ATF7IP2: variants seen among roughly 807,000 people sequenced by gnomAD.
ATF7IP2 encodes the protein activating transcription factor 7 interacting protein 2.
ATF7IP2 carries 42 observed loss-of-function variants against 64.2 expected under a neutral mutation model. The observed-to-expected ratio is 0.65, with a 90% CI of 0.51 to 0.85. ATF7IP2 has a LOEUF of 0.85. Ranked by LOEUF, ATF7IP2 falls within the 40% of genes least tolerant of loss-of-function variation. The pLI, the probability that ATF7IP2 is intolerant of heterozygous loss-of-function variation, is 0.00. For missense variants in ATF7IP2, 933 were observed against 784.2 expected, an observed-to-expected ratio of 1.19 and a Z score of -2.27; for synonymous variants, 308 against 272.8, an observed-to-expected ratio of 1.13 and a Z score of -1.27.
intron 8 of ATF7IP2, chr16:10,449,120 T>G (rs2048904128): frequency 6.6e-6 from 1 of 152,178 alleles, no homozygotes; most frequent in Non-Finnish European, 1.5e-5. Context: ...AGTTTATTGA[T>G]TTGTGTATGT....
chr16:10,461,447 A>G (rs1021659883), intron 9 of ATF7IP2, among the ~76,000 whole-genome samples: 8 of 152,126 alleles, frequency 5.3e-5, no homozygotes, highest in Admixed American at 3.9e-4. Flanking sequence ...ACTGAAAGGA[A>G]AAAGTGTCCA....
At chr16:10,405,091 C>T (rs111547474) in intron 1 of ATF7IP2, among the ~76,000 whole-genome samples, 2,751 of 151,966 alleles carry the variant, frequency 0.018, 78 homozygotes, top group African/African-American at 0.062. Flanking sequence ...GGCTGGGTGC[C>T]GTGGCTCATG....
At chr16:10,470,837 A>ATATATATATATG (rs1567173984) in intron 9 of ATF7IP2, among the ~76,000 whole-genome samples, 14 of 137,242 alleles carry the variant, frequency 1.0e-4, no homozygotes, top group South Asian at 2.3e-4. Context: ...ATATATATAT[A>ATATATATATATG]TGTGTGTGTA....
At chr16:10,424,233 G>A (rs1482405855) in intron 3 of ATF7IP2, among the ~76,000 whole-genome samples, 1 of 152,258 alleles carries the variant, frequency 6.6e-6, no homozygotes, top group Admixed American at 6.5e-5. Context: ...AACCTTCAGC[G>A]TGGGCATCAT....
At chr16:10,431,560 A>G (rs2048256716) in intron 5 of ATF7IP2, 105 bp downstream of exon 5, 1 of 709,136 alleles carries the variant, frequency 1.4e-6, no homozygotes, top group Non-Finnish European at 2.2e-6. Flanking sequence ...GAAAAAAGGT[A>G]AATGATGACA....
intron 1 of ATF7IP2, among the ~76,000 whole-genome samples, chr16:10,390,849 C>T (rs1372417810): frequency 6.6e-6 from 1 of 152,128 alleles, no homozygotes; most frequent in Non-Finnish European, 1.5e-5. Flanking sequence ...GCAACAAGAA[C>T]AGCAAAGCAA....
chr16:10,462,725 T>C (rs1033271585), intron 9 of ATF7IP2, among the ~76,000 whole-genome samples: 17 of 152,150 alleles, frequency 1.1e-4, no homozygotes, highest in Admixed American at 6.5e-5. Flanking sequence ...CCTTCTTGAA[T>C]CTATGGCTTG....
chr16:10,403,422 C>G (rs2047573648), intron 1 of ATF7IP2, among the ~76,000 whole-genome samples: 1 of 152,112 alleles, frequency 6.6e-6, no homozygotes, highest in African/African-American at 2.4e-5. Flanking sequence ...CACCACTGAA[C>G]TCATCCAGAA....
intron 6 of ATF7IP2, among the ~76,000 whole-genome samples, chr16:10,435,341 TCTTA>T (rs901500540): frequency 1.3e-5 from 2 of 152,164 alleles, no homozygotes; most frequent in African/African-American, 4.8e-5. Context: ...TCCTTTACAG[TCTTA>T]AGTTATTCAC....
chr16:10,434,161 T>C (rs1045235734), intron 6 of ATF7IP2, among the ~76,000 whole-genome samples: 10 of 152,236 alleles, frequency 6.6e-5, no homozygotes, highest in African/African-American at 2.4e-4. Flanking sequence ...ATCTGACATT[T>C]TGCTGTATAG....
chr16:10,467,259 C>G (rs994972364), intron 9 of ATF7IP2, among the ~76,000 whole-genome samples: 5 of 152,248 alleles, frequency 3.3e-5, no homozygotes, highest in African/African-American at 1.2e-4. Context: ...CTCATAAATA[C>G]AATGAGACTG....
At chr16:10,446,298 G>C (rs1417309571) in intron 8 of ATF7IP2, 1 of 152,182 alleles carries the variant, frequency 6.6e-6, no homozygotes, top group East Asian at 1.9e-4. Context: ...ATCATCAGTG[G>C]ATAGTGTTAA....
rs200114861 is a variant in ATF7IP2 at position 10,480,871 on chromosome 16, G to A, written c.1550-8G>A. Reference sequence around the variant, plus strand: ...AGATTTACTTCTTAAACCTTGTGTTGTTCACAGAAAGTCCAGTATCCCCCC... The same window carrying A: ...AGATTTACTTCTTAAACCTTGTGTTATTCACAGAAAGTCCAGTATCCCCCC... On this transcript the variant is annotated splice_region_variant and splice_polypyrimidine_tract_variant and intron_variant, in intron 12 of 13. Coordinates refer to ENST00000562102, the MANE Select transcript of ATF7IP2 (RefSeq NM_001393719.1). The A allele has an allele frequency of 6.3e-7, 1 of 1,590,740 alleles. No homozygotes were observed. Among genetic ancestry groups the A allele is most frequent in the Non-Finnish European group, 8.6e-7 (1 of 1,158,942 alleles).
At chr16:10,397,599 G>A (rs921549189) in intron 1 of ATF7IP2, among the ~76,000 whole-genome samples, 1 of 152,156 alleles carries the variant, frequency 6.6e-6, no homozygotes, top group Non-Finnish European at 1.5e-5. Flanking sequence ...AAAATGGGCT[G>A]GGCGTGGTGG....
At chr16:10,424,403 T>G (rs1164880615) in intron 3 of ATF7IP2, among the ~76,000 whole-genome samples, 1 of 152,158 alleles carries the variant, frequency 6.6e-6, no homozygotes, top group Non-Finnish European at 1.5e-5. Flanking sequence ...ATATAAGCAC[T>G]TATAAAACTT....
intron 8 of ATF7IP2, among the ~76,000 whole-genome samples, chr16:10,450,908 G>A (rs1439334148): frequency 5.3e-5 from 8 of 152,162 alleles, no homozygotes; most frequent in Admixed American, 3.9e-4. Flanking sequence ...TCTTCACAGT[G>A]TCAATGGTCT....
intron 6 of ATF7IP2, among the ~76,000 whole-genome samples, chr16:10,435,410 C>T (rs566360348): frequency 6.6e-6 from 1 of 152,314 alleles, no homozygotes; most frequent in East Asian, 1.9e-4. Flanking sequence ...TGTACTTTCT[C>T]CAAACTTTAG....
intron 1 of ATF7IP2, among the ~76,000 whole-genome samples, chr16:10,400,340 C>A (rs1304218838): frequency 6.6e-6 from 1 of 152,084 alleles, no homozygotes; most frequent in East Asian, 1.9e-4. Context: ...CGTGCCCAGC[C>A]GTGTGTTGAT....
At chr16:10,479,958 CTTTTTTTTTT>C (rs201158427) in intron 12 of ATF7IP2, among the ~76,000 whole-genome samples, 10 of 80,578 alleles carry the variant, frequency 1.2e-4, no homozygotes, top group African/African-American at 4.4e-4. Context: ...ACTGGAAATA[CTTTTTTTTTT>C]TTTTTTTTTT....
Sources: gnomAD v4.1 joint callset for allele counts (sites outside exome capture counted in the v4.1 genomes callset) on GRCh38, gnomAD v4.1.1 for gene constraint, MANE v1.5 for transcripts, NCBI Gene and HGNC (gene_info 2026-07-23, HGNC 2026-07-21) for gene names.